Variants in EPS8L1 observed in about 807,000 individuals in gnomAD.
EPS8L1 encodes the protein EPS8 signaling adaptor L1.
A neutral mutation model predicts 91.7 loss-of-function variants in EPS8L1; 101 were observed. That is an observed-to-expected ratio of 1.10 (90% confidence interval 0.94 to 1.30). EPS8L1 has a LOEUF of 1.30. EPS8L1 is among the 50% of genes most tolerant of loss of function. EPS8L1 has a pLI of 0.00. For synonymous variants in EPS8L1, 506 were observed against 445.3 expected, an observed-to-expected ratio of 1.14 and a Z score of -1.72; for missense variants, 1,114 against 1,017.0, an observed-to-expected ratio of 1.10 and a Z score of -1.30.
intron 12 of EPS8L1, 98 bp downstream of exon 12, chr19:55,082,700 A>T: frequency 8.3e-7 from 1 of 1,207,508 alleles, no homozygotes; most frequent in Non-Finnish European, 1.1e-6. Flanking sequence ...GGACTAGGAG[A>T]GTAGGGAGGG....
chr19:55,084,367 A>T (rs1220715263), intron 14 of EPS8L1: 1 of 152,826 alleles, frequency 6.5e-6, no homozygotes, highest in African/African-American at 2.4e-5. Flanking sequence ...ATTCCAAGTC[A>T]TGGTTCTACC....
At chr19:55,078,955 G>T in intron 3 of EPS8L1, 44 bp from the exon 4 acceptor site, 1 of 1,601,328 alleles carries the variant, frequency 6.2e-7, no homozygotes, top group South Asian at 1.1e-5. Context: ...TGGAGGAGGG[G>T]CTGGGCCTGG....
chr19:55,087,185 C>A, intron 18 of EPS8L1, 118 bp from the exon 19 acceptor site: 1 of 1,421,830 alleles, frequency 7.0e-7, no homozygotes, highest in Non-Finnish European at 9.3e-7. Flanking sequence ...GTCGGGCCTG[C>A]CCCCGCTAGA....
In EPS8L1 at chr19:55,083,722, CCT is replaced by C. The variant is rs1491274307; in HGVS notation, c.1385+79_1385+80del. On this transcript the variant is annotated intron_variant, in intron 14 of 19. Coordinates refer to ENST00000201647, the MANE Select transcript of EPS8L1 (RefSeq NM_133180.3). The surrounding 1 kb of genome is among the most constrained non-coding windows in gnomAD (Gnocchi z 4.7). ...GGGGCTCCCGATGCTGACTCCGCCCCCTTTTTTTCTGTGTTTTTCCTTCTGTC... is the reference window on the plus strand; with the variant it reads ...GGGGCTCCCGATGCTGACTCCGCCCCTTTTTTCTGTGTTTTTCCTTCTGTC... 9.2e-5 allele frequency: 141 copies of C among 1,534,180 alleles called. No homozygotes were observed. In the Middle Eastern group the frequency reaches 4.2e-3, roughly 46 times the overall value.
At chr19:55,085,723 A>C in intron 14 of EPS8L1, 118 bp from the exon 15 acceptor site, 2 of 1,187,400 alleles carry the variant, frequency 1.7e-6, no homozygotes, top group Non-Finnish European at 2.4e-6. Flanking sequence ...TAACAGTATT[A>C]ACCCGGCCCC....
Position 55,083,386 on chromosome 19 carries a change from T to A in EPS8L1, c.1223T>A (p.Leu408Gln). 1 of 1,612,920 alleles carries A rather than the reference T, an allele frequency of 6.2e-7. No individual in the cohort carries two copies. Among genetic ancestry groups the A allele is most frequent in the Non-Finnish European group, 8.5e-7 (1 of 1,179,792 alleles). ...GDSWTRPGLE[L>Q]SPEEGPPYRP... ...CCTGTCCCTGGCCGCAGGCTGGAGC[T>A]GTCCCCGGAGGAGGGACCCCCATAC... Residue 408 changes from leucine (L) to glutamine (Q), a missense_variant, in exon 13 of 20, where the codon CTG becomes CAG. Physicochemically the swap from Leu to Gln is moderately radical, Grantham distance 113 (BLOSUM62 -2). Transcript: ENST00000201647. This position sits in a 1 kb window ranked among gnomAD's most constrained non-coding sequence, Gnocchi z 4.7.
In EPS8L1 at chr19:55,079,068, G is replaced by A. The variant is rs1186119141; in HGVS notation, c.117+11G>A. 6 of 1,613,940 alleles carry A rather than the reference G, an allele frequency of 3.7e-6. No individual in the cohort carries two copies. The highest frequency in any genetic ancestry group is 2.2e-5 in the East Asian group (1 of 44,882). On this transcript the variant is annotated intron_variant, in intron 4 of 19. Coordinates refer to ENST00000201647, the MANE Select transcript of EPS8L1 (RefSeq NM_133180.3). ...CAGTACCCAGTCAATGTGAGTCTGGGGTCTGTGTTCCCCCAGGACATCTTC... is the reference window on the plus strand; with the variant it reads ...CAGTACCCAGTCAATGTGAGTCTGGAGTCTGTGTTCCCCCAGGACATCTTC...
chr19:55,087,130 C>G, intron 18 of EPS8L1, 173 bp from the exon 19 acceptor site: 2 of 1,150,956 alleles, frequency 1.7e-6, no homozygotes, highest in Non-Finnish European at 2.4e-6. Context: ...GCGGCCACGC[C>G]CCCCGGGTGG....
At chr19:55,079,645 T>A (rs1226634340) in intron 4 of EPS8L1, 45 bp from the exon 5 acceptor site, 1 of 1,589,868 alleles carries the variant, frequency 6.3e-7, no homozygotes, top group East Asian at 2.2e-5. Flanking sequence ...TGAGCCCACC[T>A]GGCATCATCT....
intron 2 of EPS8L1, 85 bp from the exon 3 acceptor site, chr19:55,078,000 GTCA>G: frequency 9.4e-7 from 1 of 1,063,752 alleles, no homozygotes; most frequent in South Asian, 1.5e-5. Flanking sequence ...CATTACCTTC[GTCA>G]TGAAGCCCTT....
At position 55,085,403 on chromosome 19, in the gene EPS8L1, G is replaced by T. The variant is rs182545296; in HGVS notation, c.1386-438G>T. On this transcript the variant is annotated intron_variant, in intron 14 of 19. Transcript: ENST00000201647. ...GATGGTCTTGATCTCTTGACCTCAT[G>T]ATCTGCCCGCCTCAGCCTCCCAAAG... Among the ~76,000 whole-genome samples the T allele has an allele frequency of 5.9e-5, 9 of 152,298 alleles. No homozygotes were observed. In the East Asian group the frequency reaches 1.7e-3, roughly 29 times the overall value.
rs1209979586 is a variant in EPS8L1, at chr19:55,081,049, G to A, written c.513-182G>A. 2 of 935,206 alleles carry A rather than the reference G, an allele frequency of 2.1e-6. No individual in the cohort carries two copies. Among genetic ancestry groups the A allele is most frequent in the East Asian group, 5.4e-5 (2 of 37,182 alleles). The allele number at this position is 935,206 out of a possible 1,614,324, so 57.9% of individuals were successfully genotyped here. On this transcript the variant is annotated intron_variant, in intron 7 of 19. Coordinates refer to ENST00000201647, the MANE Select transcript of EPS8L1 (RefSeq NM_133180.3). This position sits in a 1 kb window ranked among gnomAD's most constrained non-coding sequence, Gnocchi z 4.9. ...GCTTCTTTTCTCTGTTCCCTGTCCA[G>A]GCCCTCAGTTTCACTCTAGAGAGGT...
At position 55,083,443 on chromosome 19, in the gene EPS8L1, C is replaced by T. The variant is rs548545431; in HGVS notation, c.1280C>T (p.Pro427Leu). The stretch of plus-strand genomic sequence containing the variant: ...GAGTTCTTCAGCGGCTGGGAGCCGC[C>T]GGTCACTGACCCGCAGAGCCGCGCC... ...RPEFFSGWEPPVTDPQSRAWE... is the reference protein window; with the variant it reads ...RPEFFSGWEPLVTDPQSRAWE... Residue 427 changes from proline (P) to leucine (L), a missense_variant, in exon 13 of 20, where the codon CCG (proline) becomes CTG (leucine). Pro to Leu is a moderately conservative substitution (Grantham distance 98). Coordinates refer to ENST00000201647, the MANE Select transcript of EPS8L1 (RefSeq NM_133180.3). The surrounding 1 kb of genome is among the most constrained non-coding windows in gnomAD (Gnocchi z 4.7). The T allele has an allele frequency of 1.1e-5, 17 of 1,612,750 alleles. No homozygotes were observed. The highest frequency in any genetic ancestry group is 5.3e-5 in the African/African-American group (4 of 75,068).
rs1602931079 is a variant in EPS8L1 at position 55,081,056 on chromosome 19, A to C, written c.513-175A>C. The C allele has an allele frequency of 1.1e-6, 1 of 947,404 alleles. No individual in the cohort carries two copies. Among genetic ancestry groups the C allele is most frequent in the Middle Eastern group, 2.2e-4 (1 of 4,564 alleles). 58.7% of individuals were successfully genotyped at this position (947,404 alleles called of 1,614,324 possible). A position where few individuals can be genotyped will look rare whatever the true frequency, so the allele number is the denominator to read the frequency against. On this transcript the variant is annotated intron_variant, in intron 7 of 19. Coordinates refer to ENST00000201647, the MANE Select transcript of EPS8L1 (RefSeq NM_133180.3). This position sits in a 1 kb window ranked among gnomAD's most constrained non-coding sequence, Gnocchi z 4.9. ...TTCTCTGTTCCCTGTCCAGGCCCTC[A>C]GTTTCACTCTAGAGAGGTGCTATCC...
In EPS8L1 at chr19:55,081,887, C is replaced by G. The variant is rs1035859078; in HGVS notation, c.889C>G (p.Arg297Gly). 6 of 1,608,366 alleles carry G rather than the reference C, an allele frequency of 3.7e-6. No homozygotes were observed. Among genetic ancestry groups the G allele is most frequent in the Non-Finnish European group, 5.1e-6 (6 of 1,176,804 alleles). Residue 297 changes from arginine to glycine, a missense_variant, in exon 9 of 20, where the codon CGG (arginine) becomes GGG (glycine). By Grantham distance (125) the Arg-to-Gly change is moderately radical. Transcript: ENST00000201647. The surrounding 1 kb of genome is among the most constrained non-coding windows in gnomAD (Gnocchi z 4.9). ...HRERGRRSRR[R>G]AAGEGLLTLR... ...GGAACGCGGCCGCAGGAGCCGGCGC[C>G]GGGCGGCTGGGGGTAAGGGGCACCC...
Position 55,082,467 on chromosome 19 carries a change from C to T in EPS8L1, c.1079C>T (p.Ser360Leu). Residue 360 changes from serine to leucine, a missense_variant, in exon 12 of 20, where the codon TCG (serine) becomes TTG (leucine). Coordinates refer to ENST00000201647, the MANE Select transcript of EPS8L1 (RefSeq NM_133180.3). ...CTCCCCTGACAGATTGTGAACACGT[C>T]GGGGGGGCCGGAGTTCGCGAGCAGT... ...FGPLQMIVNT[S>L]GGPEFASSVR... 5 of 1,612,080 alleles carry T rather than the reference C, an allele frequency of 3.1e-6. No individual in the cohort carries two copies. The highest frequency in any genetic ancestry group is 4.2e-6 in the Non-Finnish European group (5 of 1,179,460).
chr19:55,087,822 A>G lies in EPS8L1; in HGVS notation c.*208A>G, dbSNP rs2076369553. 3 of 603,928 alleles carry G rather than the reference A, an allele frequency of 5.0e-6. No homozygotes were observed. Among genetic ancestry groups the G allele is most frequent in the Middle Eastern group, 4.5e-4 (1 of 2,212 alleles). The allele number at this position is 603,928 out of a possible 1,614,324, so 37.4% of individuals were successfully genotyped here. On this transcript the variant is annotated 3_prime_UTR_variant, in exon 20 of 20. Transcript: ENST00000201647. ...CTGGCTGGGAGTGGGGAGGGCGTGG[A>G]GACAGTCTACGGAAAGCGCTAGCAG...
rs2076346887 is a variant in EPS8L1 at position 55,085,859 on chromosome 19, A to G, written c.1404A>G (p.Pro468=). 1.2e-6 allele frequency: 2 copies of G among 1,613,102 alleles called. No individual in the cohort carries two copies. The highest frequency in any genetic ancestry group is 1.7e-6 in the Non-Finnish European group (2 of 1,179,474). ...TCCTCAGTCACCGAGACTTGGAGCC[A>G]GAATCTGAGCCTCAGCTGGAGTCAG... ...VAVNGHRDLE[P]ESEPQLESET... Residue 468 remains proline (P), a synonymous_variant, in exon 15 of 20, where the codon CCA becomes CCG. Transcript: ENST00000201647.
intron 1 of EPS8L1, among the ~76,000 whole-genome samples, chr19:55,076,166 G>GGGCTGGGGTCC (rs2076126610): frequency 2.6e-5 from 2 of 76,024 alleles, no homozygotes; most frequent in African/African-American, 4.9e-5. Flanking sequence ...TGAGGGAGGA[G>GGGCTGGGGTCC]TGGACTGGGG....
Sources: allele counts gnomAD v4.1 joint callset (sites outside exome capture counted in the v4.1 genomes callset), GRCh38; gene constraint gnomAD v4.1.1; non-coding constraint Gnocchi (gnomAD v3.1); transcripts MANE v1.5; gene names NCBI Gene and HGNC (gene_info 2026-07-23, HGNC 2026-07-21).